Variants in COL5A2 observed in about 807,000 individuals in gnomAD.
The protein encoded by COL5A2 is collagen type V alpha 2 chain.
A neutral mutation model predicts 208.2 loss-of-function variants in COL5A2; 23 were observed. The ratio of observed to expected loss-of-function variants is 0.11; its 90% CI spans 0.08 to 0.16. The LOEUF (loss-of-function observed/expected upper bound fraction) is 0.16, where lower values mean the gene tolerates loss of function less well. Ranked by LOEUF, COL5A2 falls within the 10% of genes least tolerant of loss-of-function variation. The probability of loss-of-function intolerance (pLI) is 1.00; values close to 1 mark genes in which losing one functional copy is unlikely to be tolerated. For missense variants in COL5A2, 1,590 were observed against 1,956.4 expected, an observed-to-expected ratio of 0.81 and a Z score of 3.53; for synonymous variants, 625 against 628.5, an observed-to-expected ratio of 0.99 and a Z score of 0.08.
At chr2:189,323,237 A>G in the COL5A2 span, among the ~76,000 whole-genome samples, 1 of 152,192 alleles carries the variant, frequency 6.6e-6, no homozygotes, top group African/African-American at 2.4e-5. Context: ...AAAAACTGGG[A>G]GCATTCCCTT....
intron 11 of COL5A2, among the ~76,000 whole-genome samples, chr2:189,084,519 G>T (rs1686608279): frequency 6.6e-6 from 1 of 152,070 alleles, no homozygotes; most frequent in Admixed American, 6.5e-5. Context: ...TAAATCTTAT[G>T]ACTCATAAAG....
At chr2:189,310,817 C>T in the COL5A2 span, among the ~76,000 whole-genome samples, 1 of 151,894 alleles carries the variant, frequency 6.6e-6, no homozygotes. Context: ...GCAAAATAAA[C>T]CAGGCACAGA....
the COL5A2 span, among the ~76,000 whole-genome samples, chr2:189,417,341 T>C: frequency 2.6e-5 from 4 of 152,304 alleles, no homozygotes; most frequent in African/African-American, 7.2e-5. Flanking sequence ...TCTATTTCTA[T>C]ATTAATTATT....
intron 38 of COL5A2, 71 bp downstream of exon 38, chr2:189,053,353 A>C: frequency 7.5e-7 from 1 of 1,331,820 alleles, no homozygotes; most frequent in Non-Finnish European, 1.1e-6. Flanking sequence ...AAAACATATG[A>C]CAATGATCAT....
In COL5A2 at chr2:189,212,788, G is replaced by A. The variant is rs1251600447; in HGVS notation, c.-42+12360C>T. Among the ~76,000 whole-genome samples, 5 of 151,744 alleles carry A rather than the reference G, an allele frequency of 3.3e-5. No individual in the cohort carries two copies. In the South Asian group the frequency reaches 8.3e-4, roughly 25 times the overall value. On this transcript the variant is annotated intron_variant, in intron 1 of 10. Coordinates refer to the COL5A2 transcript ENST00000649966. ...ACCAAGATAAATTGGGGTGGCAAGA[G>A]GAGGGGGAAACAAGAGAATCAGGAA...
At chr2:189,197,628 T>A (rs1186259761) in intron 1 of COL5A2, among the ~76,000 whole-genome samples, 1 of 151,870 alleles carries the variant, frequency 6.6e-6, no homozygotes, top group Non-Finnish European at 1.5e-5. Context: ...TCCATTTAGG[T>A]TAATTTATTT....
chr2:189,059,029 G>A, intron 31 of COL5A2, 136 bp from the exon 32 acceptor site: 1 of 659,576 alleles, frequency 1.5e-6, no homozygotes, highest in Non-Finnish European at 2.7e-6. Flanking sequence ...TTTAAAGAAA[G>A]AAAAGTACGT....
At chr2:189,217,471 TG>T (rs1460510824) in intron 1 of COL5A2, among the ~76,000 whole-genome samples, 1 of 152,132 alleles carries the variant, frequency 6.6e-6, no homozygotes, top group East Asian at 1.9e-4. Flanking sequence ...GAAGCTGAAT[TG>T]GGGAAACACT....
chr2:189,222,514 C>G (rs577925171), intron 1 of COL5A2, among the ~76,000 whole-genome samples: 1 of 152,048 alleles, frequency 6.6e-6, no homozygotes, highest in Non-Finnish European at 1.5e-5. Flanking sequence ...CAGTGATATC[C>G]TCCTATCCAG....
the COL5A2 span, among the ~76,000 whole-genome samples, chr2:189,296,978 T>G: frequency 2.0e-5 from 3 of 152,218 alleles, no homozygotes; most frequent in Non-Finnish European, 2.9e-5. Flanking sequence ...ATCCTCTGCC[T>G]CTTCAGACTA....
chr2:189,154,240 A>G (rs1346535840), intron 1 of COL5A2, among the ~76,000 whole-genome samples: 1 of 152,194 alleles, frequency 6.6e-6, no homozygotes, highest in Non-Finnish European at 1.5e-5. Context: ...TTGAAAGTCA[A>G]TGTCATTAAT....
At chr2:189,054,102 A>G (rs542511760) in intron 36 of COL5A2, 57 bp downstream of exon 36, 1 of 1,488,522 alleles carries the variant, frequency 6.7e-7, no homozygotes, top group South Asian at 1.1e-5. Flanking sequence ...TTTATGAAAG[A>G]GCCTGCTATT....
chr2:189,339,477 T>G, the COL5A2 span, among the ~76,000 whole-genome samples: 1 of 152,192 alleles, frequency 6.6e-6, no homozygotes, highest in Non-Finnish European at 1.5e-5. Context: ...TTTACATTTG[T>G]GCATAGCAGC....
chr2:189,378,154 A>G, the COL5A2 span, among the ~76,000 whole-genome samples: 1 of 152,166 alleles, frequency 6.6e-6, no homozygotes, highest in East Asian at 1.9e-4. Flanking sequence ...TTACTCCTCC[A>G]TGGCCAATTC....
chr2:189,356,769 T>C, the COL5A2 span, among the ~76,000 whole-genome samples: 3 of 152,220 alleles, frequency 2.0e-5, no homozygotes, highest in Admixed American at 6.5e-5. Flanking sequence ...TTCAGTTTTG[T>C]TCCCTTGCTG....
chr2:189,041,387 G>A (rs967610371), intron 50 of COL5A2, among the ~76,000 whole-genome samples, 199 bp downstream of exon 50: 6 of 152,130 alleles, frequency 3.9e-5, no homozygotes, highest in Non-Finnish European at 7.4e-5. Flanking sequence ...GTCTGGGTAG[G>A]TTGGACTCTG....
chr2:189,235,182 GCA>G, the COL5A2 span, among the ~76,000 whole-genome samples: 5 of 151,598 alleles, frequency 3.3e-5, no homozygotes, highest in African/African-American at 1.2e-4. Flanking sequence ...ACTGGAGAGG[GCA>G]GGGCTACATA....
the COL5A2 span, among the ~76,000 whole-genome samples, chr2:189,370,629 C>T: frequency 2.9e-4 from 44 of 152,104 alleles, no homozygotes; most frequent in South Asian, 6.2e-3. Context: ...TACTCAACAC[C>T]CATACAACAT....
At chr2:189,354,136 C>G in the COL5A2 span, among the ~76,000 whole-genome samples, 1 of 152,050 alleles carries the variant, frequency 6.6e-6, no homozygotes, top group Non-Finnish European at 1.5e-5. Context: ...ACACCAACTT[C>G]CTCATTGTGG....
Sources: gnomAD v4.1 joint callset for allele counts (sites outside exome capture counted in the v4.1 genomes callset) on GRCh38, gnomAD v4.1.1 for gene constraint, MANE v1.5 for transcripts, NCBI Gene and HGNC (gene_info 2026-07-23, HGNC 2026-07-21) for gene names.